GAS7: variants seen among roughly 807,000 people sequenced by gnomAD.
GAS7 encodes growth arrest-specific protein 7.
In GAS7, 28 loss-of-function variants were observed where a neutral mutation model predicts 71.1. The observed-to-expected ratio is 0.39, with a 90% CI of 0.29 to 0.54. The LOEUF (loss-of-function observed/expected upper bound fraction) is 0.54. Among genes scored for constraint, GAS7 ranks in the 20% least tolerant of loss-of-function variants. The pLI is 0.62. For missense variants in GAS7, 436 were observed against 627.8 expected (o/e 0.69, Z 3.27); for synonymous variants, 258 against 245.8 (o/e 1.05, Z -0.46).
intron 2 of GAS7, among the ~76,000 whole-genome samples, chr17:10,004,732 C>T (rs1026129454): frequency 1.3e-5 from 2 of 152,148 alleles, no homozygotes; most frequent in African/African-American, 4.8e-5. Flanking sequence ...TCTTCCTAGG[C>T]TGGGCACGGT....
chr17:9,979,329 C>CA (rs1381426222), intron 3 of GAS7, among the ~76,000 whole-genome samples: 2 of 152,180 alleles, frequency 1.3e-5, no homozygotes, highest in African/African-American at 4.8e-5. Context: ...TCAACACACT[C>CA]AGTCTAGCCT....
chr17:10,065,293 C>T (rs1482587098), intron 1 of GAS7, among the ~76,000 whole-genome samples: 1 of 152,194 alleles, frequency 6.6e-6, no homozygotes, highest in African/African-American at 2.4e-5. Flanking sequence ...ATCTGCATTT[C>T]TAAAAACCTT....
At chr17:10,093,969 G>A (rs2073615564) in intron 1 of GAS7, among the ~76,000 whole-genome samples, 1 of 152,184 alleles carries the variant, frequency 6.6e-6, no homozygotes, top group Non-Finnish European at 1.5e-5. Flanking sequence ...GGCATAAGAA[G>A]CAAAGATGTG....
chr17:10,087,409 C>T (rs761448737), intron 1 of GAS7, among the ~76,000 whole-genome samples: 2 of 152,182 alleles, frequency 1.3e-5, no homozygotes, highest in Non-Finnish European at 1.5e-5. Flanking sequence ...CCCAGGTGGA[C>T]GATGAGCTTG....
At chr17:10,175,213 T>C (rs1217327618) in intron 1 of GAS7, among the ~76,000 whole-genome samples, 3 of 131,696 alleles carry the variant, frequency 2.3e-5, no homozygotes, top group Non-Finnish European at 3.2e-5. Flanking sequence ...TAGGAATACA[T>C]GTTAGTAAGA....
chr17:10,088,715 T>C (rs560604625), intron 1 of GAS7, among the ~76,000 whole-genome samples: 18 of 152,114 alleles, frequency 1.2e-4, no homozygotes, highest in African/African-American at 3.9e-4. Flanking sequence ...TTGCTTCCCA[T>C]GCTGGAAGGG....
At chr17:10,186,745 G>C (rs559380247) in intron 1 of GAS7, among the ~76,000 whole-genome samples, 1 of 152,156 alleles carries the variant, frequency 6.6e-6, no homozygotes. Context: ...AGACTGGGTT[G>C]GGTACAGTGG....
intron 1 of GAS7, among the ~76,000 whole-genome samples, chr17:10,177,045 T>A (rs970865269): frequency 1.3e-5 from 2 of 152,160 alleles, no homozygotes; most frequent in Non-Finnish European, 2.9e-5. Context: ...TTCCTGGCCC[T>A]GCAGAGCTCA....
At chr17:9,973,283 C>G (rs1214001161) in intron 3 of GAS7, among the ~76,000 whole-genome samples, 1 of 148,652 alleles carries the variant, frequency 6.7e-6, no homozygotes, top group Non-Finnish European at 1.5e-5. Flanking sequence ...GAGACGGAGT[C>G]TTGCTTCATC....
At chr17:10,124,432 G>A (rs1042023377) in intron 1 of GAS7, among the ~76,000 whole-genome samples, 4 of 152,188 alleles carry the variant, frequency 2.6e-5, no homozygotes, top group African/African-American at 4.8e-5. Flanking sequence ...AGACATCCTA[G>A]GCACCCCACA....
chr17:10,197,759 C>G (rs1485938941), intron 1 of GAS7, among the ~76,000 whole-genome samples: 2 of 152,202 alleles, frequency 1.3e-5, no homozygotes, highest in African/African-American at 4.8e-5. Flanking sequence ...CACGACCGTC[C>G]ACGGGTCATC....
intron 1 of GAS7, among the ~76,000 whole-genome samples, chr17:10,125,555 A>C (rs1258349409): frequency 6.6e-6 from 1 of 151,274 alleles, no homozygotes; most frequent in Non-Finnish European, 1.5e-5. Context: ...AAAAAGGTCA[A>C]ACAACTGTGT....
intron 1 of GAS7, chr17:10,059,550 G>T: frequency 4.1e-6 from 1 of 245,284 alleles, no homozygotes; most frequent in Non-Finnish European, 6.5e-6. Context: ...CCAGAGCAGA[G>T]CCAAACCCTA....
At chr17:9,921,851 C>T (rs1040399493) in intron 11 of GAS7, among the ~76,000 whole-genome samples, 3 of 149,838 alleles carry the variant, frequency 2.0e-5, no homozygotes, top group African/African-American at 4.9e-5. Context: ...CCCAGCTACT[C>T]GGGAGGCTGA....
At chr17:9,950,847 CTG>C (rs1294827776) in intron 5 of GAS7, among the ~76,000 whole-genome samples, 3 of 149,260 alleles carry the variant, frequency 2.0e-5, no homozygotes, top group Non-Finnish European at 4.5e-5. Flanking sequence ...CAGGGCGAGA[CTG>C]TGTCTCAAAA....
At chr17:10,159,905 TCTC>T (rs1327353986) in intron 1 of GAS7, among the ~76,000 whole-genome samples, 1 of 150,966 alleles carries the variant, frequency 6.6e-6, no homozygotes, top group African/African-American at 2.4e-5. Flanking sequence ...CCCACCTCAG[TCTC>T]CTGAGTAGCT....
chr17:10,098,039 A>G (rs2004956), intron 1 of GAS7, among the ~76,000 whole-genome samples: 4,092 of 114,314 alleles, frequency 0.036, 177 homozygotes, highest in African/African-American at 0.16. Context: ...GCAAGACTCC[A>G]TCTCAAAAAA....
intron 1 of GAS7, among the ~76,000 whole-genome samples, chr17:10,193,276 A>AC (rs2074516218): frequency 6.6e-6 from 1 of 151,428 alleles, no homozygotes; most frequent in African/African-American, 2.4e-5. Context: ...AAAAAAAAAA[A>AC]AACCCTCCAA....
chr17:10,069,908 G>A (rs2073322267), intron 1 of GAS7, among the ~76,000 whole-genome samples: 1 of 152,110 alleles, frequency 6.6e-6, no homozygotes, highest in South Asian at 2.1e-4. Flanking sequence ...TTCAATCTTT[G>A]CTGGATACTG....
Sources: gnomAD v4.1 joint callset for allele counts (sites outside exome capture counted in the v4.1 genomes callset) on GRCh38, gnomAD v4.1.1 for gene constraint, MANE v1.5 for transcripts, NCBI Gene and HGNC (gene_info 2026-07-23, HGNC 2026-07-21) for gene names.